PSD3: variants seen among roughly 807,000 people sequenced by gnomAD.
PSD3 encodes pleckstrin and Sec7 domain containing 3, also known as PH and SEC7 domain-containing protein 3.
Under a neutral mutation model 105.5 loss-of-function variants are expected in PSD3, and 49 were observed. The observed-to-expected ratio is 0.46, with a 90% CI of 0.37 to 0.59. The LOEUF (loss-of-function observed/expected upper bound fraction) is 0.59, where lower values mean the gene tolerates loss of function less well. PSD3 is among the 20% of genes least tolerant of loss of function. The pLI is 0.00. For synonymous variants in PSD3, 557 were observed against 457.8 expected (o/e 1.22, Z -2.77); for missense variants, 1,561 against 1,263.8 (o/e 1.24, Z -3.57).
intron 1 of PSD3, among the ~76,000 whole-genome samples, chr8:19,051,433 A>T (rs1828525984): frequency 6.6e-6 from 1 of 152,192 alleles, no homozygotes; most frequent in South Asian, 2.1e-4. Context: ...TATAAACTCC[A>T]TGAATGCAGT....
chr8:18,725,630 G>T (rs1388409584), intron 9 of PSD3, among the ~76,000 whole-genome samples: 1 of 152,126 alleles, frequency 6.6e-6, no homozygotes, highest in Admixed American at 6.5e-5. Flanking sequence ...GCCAGGGACA[G>T]GAAGAAGAAG....
At chr8:19,084,296 C>A (rs73591303) in exon 1 of PSD3, 2 of 456,274 alleles carry the variant, frequency 4.4e-6, no homozygotes, top group South Asian at 3.1e-5. Context: ...TTGTCGCCTG[C>A]GCTGTGGTAC....
In PSD3 at chr8:18,612,650, A is replaced by T. The variant is rs188003804; in HGVS notation, c.2411-12216T>A. 3.6e-3 allele frequency among the ~76,000 whole-genome samples: 548 copies of T among 152,276 alleles called. 2 individuals are homozygous for T. Among genetic ancestry groups the T allele is most frequent in the African/African-American group, 0.013 (522 of 41,552 alleles). On this transcript the variant is annotated intron_variant, in intron 11 of 15. Coordinates refer to ENST00000327040, the MANE Select transcript of PSD3 (RefSeq NM_015310.4). Reference sequence around the variant, plus strand: ...CTCCCAAAGTGCTGGGATTACAGGCATGAGCCACCGCACACGGCCTACTGA... The same window carrying T: ...CTCCCAAAGTGCTGGGATTACAGGCTTGAGCCACCGCACACGGCCTACTGA...
At chr8:18,562,784 G>C (rs986048327) in intron 14 of PSD3, among the ~76,000 whole-genome samples, 2 of 152,110 alleles carry the variant, frequency 1.3e-5, no homozygotes, top group Admixed American at 6.5e-5. Flanking sequence ...AATTGCACTG[G>C]AGGCCGAGGC....
chr8:18,565,614 T>A (rs116714453), intron 14 of PSD3, among the ~76,000 whole-genome samples: 2,160 of 152,344 alleles, frequency 0.014, 55 homozygotes, highest in African/African-American at 0.047. Flanking sequence ...CCCCACACTG[T>A]TTATCTTTCT....
chr8:18,906,191 C>T (rs1819837862), intron 2 of PSD3, among the ~76,000 whole-genome samples: 1 of 152,144 alleles, frequency 6.6e-6, no homozygotes, highest in Admixed American at 6.5e-5. Context: ...CAAAAAATAT[C>T]AGATAAACAT....
At chr8:18,806,707 C>G (rs1811237720) in intron 4 of PSD3, among the ~76,000 whole-genome samples, 1 of 152,192 alleles carries the variant, frequency 6.6e-6, no homozygotes, top group South Asian at 2.1e-4. Context: ...GCCAGCTGGG[C>G]TGAATTGGGC....
chr8:19,077,626 G>A (rs1014827867), intron 1 of PSD3, among the ~76,000 whole-genome samples: 1 of 152,126 alleles, frequency 6.6e-6, no homozygotes, highest in African/African-American at 2.4e-5. Context: ...TTGTATAAAT[G>A]TTTTATCAGA....
chr8:18,828,047 GTATATA>G (rs368464281), intron 4 of PSD3, among the ~76,000 whole-genome samples: 6 of 126,386 alleles, frequency 4.7e-5, no homozygotes, highest in Non-Finnish European at 6.4e-5. Context: ...ATATATATAT[GTATATA>G]TATATATATA....
At chr8:18,720,300 C>T (rs1003491039) in intron 9 of PSD3, among the ~76,000 whole-genome samples, 1 of 152,128 alleles carries the variant, frequency 6.6e-6, no homozygotes, top group Non-Finnish European at 1.5e-5. Context: ...CATGAACCAC[C>T]AGATGTTTAC....
intron 8 of PSD3, among the ~76,000 whole-genome samples, chr8:18,776,772 C>T (rs1274642340): frequency 6.6e-6 from 1 of 152,088 alleles, no homozygotes; most frequent in African/African-American, 2.4e-5. Flanking sequence ...GCTTTGATCT[C>T]GTTACTCATT....
intron 9 of PSD3, among the ~76,000 whole-genome samples, chr8:18,665,787 G>T (rs1379895289): frequency 2.0e-5 from 3 of 152,306 alleles, no homozygotes; most frequent in African/African-American, 7.2e-5. Flanking sequence ...GGAGATCAAG[G>T]CTGCAGTGAG....
chr8:18,970,687 G>C (rs996473204), intron 1 of PSD3, among the ~76,000 whole-genome samples: 4 of 152,124 alleles, frequency 2.6e-5, no homozygotes, highest in African/African-American at 2.4e-5. Flanking sequence ...GGATGCGGTG[G>C]TTCGTGCCTA....
intron 4 of PSD3, among the ~76,000 whole-genome samples, chr8:18,856,295 T>C (rs1816002135): frequency 6.6e-6 from 1 of 152,210 alleles, no homozygotes; most frequent in African/African-American, 2.4e-5. Flanking sequence ...TTATCTGATC[T>C]GCCTGTTTGG....
intron 4 of PSD3, among the ~76,000 whole-genome samples, chr8:18,843,412 G>A (rs1445158298): frequency 6.6e-6 from 1 of 151,630 alleles, no homozygotes; most frequent in East Asian, 1.9e-4. Context: ...CTAAACATCT[G>A]AGCAAAATTC....
At chr8:18,600,552 CAAT>C (rs1296987886) in intron 11 of PSD3, 118 bp from the exon 12 acceptor site, 1 of 835,142 alleles carries the variant, frequency 1.2e-6, no homozygotes. Flanking sequence ...AAAGTAATAA[CAAT>C]AAGAACTAAA....
intron 2 of PSD3, among the ~76,000 whole-genome samples, chr8:18,934,937 A>G (rs1822009255): frequency 6.6e-6 from 1 of 152,252 alleles, no homozygotes; most frequent in African/African-American, 2.4e-5. Flanking sequence ...TCCTTCTAGG[A>G]AAATGCCTTC....
At chr8:18,616,618 C>CTTTTTTTT (rs36197855) in intron 11 of PSD3, among the ~76,000 whole-genome samples, 1,772 of 71,366 alleles carry the variant, frequency 0.025, 153 homozygotes, top group Middle Eastern at 0.065. Context: ...ATCTTCCTCT[C>CTTTTTTTT]TTTTCTTTTC....
intron 1 of PSD3, among the ~76,000 whole-genome samples, chr8:18,942,353 G>T (rs960604555): frequency 6.6e-6 from 1 of 152,128 alleles, no homozygotes; most frequent in African/African-American, 2.4e-5. Context: ...AATCCTATCT[G>T]CTCCCATTGC....
Sources: allele counts gnomAD v4.1 joint callset (sites outside exome capture counted in the v4.1 genomes callset), GRCh38; gene constraint gnomAD v4.1.1; transcripts MANE v1.5; gene names NCBI Gene and HGNC (gene_info 2026-07-23, HGNC 2026-07-21).